The following SVIL variants were observed in gnomAD, a reference collection of about 807,000 sequenced individuals.
SVIL encodes supervillin.
A neutral mutation model predicts 240.4 loss-of-function variants in SVIL; 101 were observed. The observed-to-expected ratio is 0.42, with a 90% CI of 0.36 to 0.50. The LOEUF (loss-of-function observed/expected upper bound fraction) is 0.50. Among genes scored for constraint, SVIL ranks in the 20% least tolerant of loss-of-function variants. The pLI is 0.01. For synonymous variants in SVIL, 999 were observed against 1,100.0 expected, an observed-to-expected ratio of 0.91 and a Z score of 1.82; for missense variants, 2,512 against 2,818.7, an observed-to-expected ratio of 0.89 and a Z score of 2.46.
chr10:29,542,698 T>C (rs559599545), intron 6 of SVIL, among the ~76,000 whole-genome samples: 1 of 152,350 alleles, frequency 6.6e-6, no homozygotes, highest in East Asian at 1.9e-4. Context: ...TTTTAGTTAT[T>C]TTAAAATGCA....
rs1008832082 is a variant in SVIL, at chr10:29,709,681, G to A, written c.-399-23030C>T. Among the ~76,000 whole-genome samples the A allele has an allele frequency of 7.2e-5, 11 of 152,186 alleles. No homozygotes were observed. The East Asian group carries it at 1.7e-3, about 24-fold the overall frequency. ...CAGGGGCGTCACCCCAGTGAGTTTCGGCAGCACCCTGCAGGTGGTTCCCGG... is the reference window on the plus strand; with the variant it reads ...CAGGGGCGTCACCCCAGTGAGTTTCAGCAGCACCCTGCAGGTGGTTCCCGG... On this transcript the variant is annotated intron_variant, in intron 1 of 35. Coordinates refer to the SVIL transcript ENST00000375400.
At chr10:29,603,897 G>A (rs1008657032) in intron 1 of SVIL, among the ~76,000 whole-genome samples, 7 of 152,318 alleles carry the variant, frequency 4.6e-5, no homozygotes, top group African/African-American at 1.7e-4. Flanking sequence ...AGGTGACTAT[G>A]TAATAAGCCC....
At chr10:29,618,908 A>G (rs1315913491) in intron 1 of SVIL, among the ~76,000 whole-genome samples, 1 of 152,098 alleles carries the variant, frequency 6.6e-6, no homozygotes, top group Admixed American at 6.5e-5. Context: ...ACACCTTAAC[A>G]CAGAGAGCCA....
chr10:29,587,290 G>A (rs976425413), intron 1 of SVIL, among the ~76,000 whole-genome samples: 18 of 152,202 alleles, frequency 1.2e-4, no homozygotes, highest in African/African-American at 4.3e-4. Context: ...TCCGGGGCTC[G>A]GGTTCTCCGG....
At chr10:29,506,635 AGAGGGAGGGGACAGAGGCCC>A (rs1564534679) in intron 17 of SVIL, among the ~76,000 whole-genome samples, 7 of 136,470 alleles carry the variant, frequency 5.1e-5, no homozygotes, top group South Asian at 2.5e-4. Flanking sequence ...CAGAGGCCCT[AGAGGGAGGGGACAGAGGCCC>A]TGGAGGGAGG....
chr10:29,703,063 T>C (rs1479253006), intron 1 of SVIL, among the ~76,000 whole-genome samples: 1 of 152,116 alleles, frequency 6.6e-6, no homozygotes, highest in African/African-American at 2.4e-5. Flanking sequence ...AGGGGCCCCA[T>C]GTAAGCGAGG....
At chr10:29,722,706 C>T (rs1021035585) in intron 1 of SVIL, among the ~76,000 whole-genome samples, 1 of 152,106 alleles carries the variant, frequency 6.6e-6, no homozygotes. Context: ...CCTCTAAATC[C>T]AATGTAGGGG....
At chr10:29,694,070 C>G (rs970410642) in intron 1 of SVIL, among the ~76,000 whole-genome samples, 3 of 151,904 alleles carry the variant, frequency 2.0e-5, no homozygotes, top group Non-Finnish European at 4.4e-5. Flanking sequence ...CCCCCCTACC[C>G]AGAATTGTAA....
intron 1 of SVIL, among the ~76,000 whole-genome samples, chr10:29,724,906 C>G (rs900814278): frequency 6.6e-6 from 1 of 151,808 alleles, no homozygotes; most frequent in African/African-American, 2.4e-5. Flanking sequence ...CCTGTAATCC[C>G]AGCTACTCAG....
At chr10:29,718,404 T>C (rs1963767935) in intron 1 of SVIL, among the ~76,000 whole-genome samples, 1 of 152,178 alleles carries the variant, frequency 6.6e-6, no homozygotes, top group Non-Finnish European at 1.5e-5. Flanking sequence ...CATATGTGGT[T>C]TACATTACAT....
chr10:29,713,250 T>C (rs1963409757), intron 1 of SVIL, among the ~76,000 whole-genome samples: 1 of 136,252 alleles, frequency 7.3e-6, no homozygotes, highest in South Asian at 2.5e-4. Context: ...AACTAAGAAG[T>C]TGTACATGCC....
At chr10:29,701,204 CAA>C (rs1348451855) in intron 1 of SVIL, among the ~76,000 whole-genome samples, 2 of 152,174 alleles carry the variant, frequency 1.3e-5, no homozygotes, top group Non-Finnish European at 2.9e-5. Context: ...TGTCCACAGC[CAA>C]AGAGATTCCT....
intron 3 of SVIL, among the ~76,000 whole-genome samples, chr10:29,651,758 G>C (rs1454782801): frequency 6.6e-6 from 1 of 151,852 alleles, no homozygotes; most frequent in Non-Finnish European, 1.5e-5. Context: ...AGATTTGTTT[G>C]GATATTTAAT....
intron 17 of SVIL, 22 bp downstream of exon 17, chr10:29,512,713 T>C (rs1320175674): frequency 3.1e-6 from 5 of 1,614,032 alleles, no homozygotes; most frequent in Non-Finnish European, 4.2e-6. Context: ...CGGAAGGCTT[T>C]TCCTAACATG....
chr10:29,555,181 G>T, intron 3 of SVIL, 73 bp from the exon 4 acceptor site: 1 of 1,382,614 alleles, frequency 7.2e-7, no homozygotes, highest in Non-Finnish European at 9.7e-7. Flanking sequence ...CTCATGCAAC[G>T]TGTTTATTGA....
In SVIL at chr10:29,473,970, T is replaced by C; in HGVS notation, c.5397A>G (p.Gly1799=). 6.2e-7 allele frequency: 1 copy of C among 1,613,738 alleles called. No individual in the cohort carries two copies. Among genetic ancestry groups the C allele is most frequent in the Non-Finnish European group, 8.5e-7 (1 of 1,179,980 alleles). Residue 1799 remains glycine, a synonymous_variant, in exon 30 of 38, where the codon GGA becomes GGG. Transcript: ENST00000355867. ...TGCCGGCTGCCCTCACCGAGTGCTC[T>C]CCCTTCTGGCGACTTCCCACTGCAA... ...VSTAVGSRQK[G]EHSVRAAGKE...
chr10:29,551,323 A>C, intron 5 of SVIL, 60 bp from the exon 6 acceptor site: 1 of 1,448,740 alleles, frequency 6.9e-7, no homozygotes, highest in Non-Finnish European at 9.2e-7. Context: ...GTATTTACAC[A>C]CAGAATGACA....
At chr10:29,510,207 C>T (rs1949726104) in intron 17 of SVIL, among the ~76,000 whole-genome samples, 1 of 152,220 alleles carries the variant, frequency 6.6e-6, no homozygotes, top group Admixed American at 6.5e-5. Flanking sequence ...TAAATCTTAA[C>T]ATAATAAAAG....
At chr10:29,597,597 G>T (rs1956646052) in intron 1 of SVIL, among the ~76,000 whole-genome samples, 1 of 151,766 alleles carries the variant, frequency 6.6e-6, no homozygotes, top group African/African-American at 2.4e-5. Flanking sequence ...ACGGGTTTTT[G>T]CCATGTTGGC....
Sources: allele counts gnomAD v4.1 joint callset (sites outside exome capture counted in the v4.1 genomes callset), GRCh38; gene constraint gnomAD v4.1.1; transcripts MANE v1.5; gene names NCBI Gene and HGNC (gene_info 2026-07-23, HGNC 2026-07-21).